PALM2AKAP2: variants seen among roughly 807,000 people sequenced by gnomAD.
PALM2AKAP2 encodes PALM2-AKAP2 fusion protein.
PALM2AKAP2 carries 37 observed loss-of-function variants against 71.5 expected under a neutral mutation model. The ratio of observed to expected loss-of-function variants is 0.52; its 90% CI spans 0.40 to 0.68. PALM2AKAP2 has a LOEUF of 0.68. Among genes scored for constraint, PALM2AKAP2 ranks in the 30% least tolerant of loss-of-function variants. PALM2AKAP2 has a pLI of 0.00. For synonymous variants in PALM2AKAP2, 468 were observed against 478.8 expected, an observed-to-expected ratio of 0.98 and a Z score of 0.29; for missense variants, 1,224 against 1,191.8, an observed-to-expected ratio of 1.03 and a Z score of -0.40.
At chr9:109,710,711 C>T (rs1440996487) in intron 1 of PALM2AKAP2, among the ~76,000 whole-genome samples, 2 of 152,166 alleles carry the variant, frequency 1.3e-5, no homozygotes, top group Admixed American at 1.3e-4. Flanking sequence ...GTCCCCTCCT[C>T]TCCTCACCTT....
chr9:110,148,185 A>C (rs1342702930), intron 2 of PALM2AKAP2, among the ~76,000 whole-genome samples: 1 of 152,110 alleles, frequency 6.6e-6, no homozygotes, highest in East Asian at 1.9e-4. Context: ...GTTTTAATTA[A>C]CTTTTTTCCT....
At chr9:109,753,537 A>T (rs1235837258) in intron 1 of PALM2AKAP2, among the ~76,000 whole-genome samples, 4 of 152,140 alleles carry the variant, frequency 2.6e-5, no homozygotes, top group Non-Finnish European at 4.4e-5. Flanking sequence ...CTTTCTCAAG[A>T]TGTTTGCAGT....
At chr9:110,041,423 C>A (rs977398104) in intron 7 of PALM2AKAP2, among the ~76,000 whole-genome samples, 11 of 152,074 alleles carry the variant, frequency 7.2e-5, no homozygotes, top group African/African-American at 2.7e-4. Context: ...ACAGTGTAAA[C>A]AATTCCATGG....
intron 1 of PALM2AKAP2, among the ~76,000 whole-genome samples, chr9:110,130,031 T>G (rs1835700205): frequency 6.6e-6 from 1 of 152,234 alleles, no homozygotes; most frequent in Non-Finnish European, 1.5e-5. Flanking sequence ...GGGCCTTTTT[T>G]CTTTCATCTT....
chr9:109,801,915 A>C (rs1468583067), intron 1 of PALM2AKAP2, among the ~76,000 whole-genome samples: 1 of 152,178 alleles, frequency 6.6e-6, no homozygotes, highest in African/African-American at 2.4e-5. Flanking sequence ...GACTAATGAG[A>C]GGGACCATGG....
intron 1 of PALM2AKAP2, among the ~76,000 whole-genome samples, chr9:109,849,356 T>C (rs1183853447): frequency 2.6e-5 from 4 of 152,202 alleles, no homozygotes; most frequent in African/African-American, 9.7e-5. Context: ...GATTTGAAGA[T>C]AGCCATCTTC....
chr9:109,838,028 C>T (rs1828530425), intron 1 of PALM2AKAP2, among the ~76,000 whole-genome samples: 1 of 151,528 alleles, frequency 6.6e-6, no homozygotes, highest in Admixed American at 6.6e-5. Context: ...CCAAGCGGAC[C>T]TAATAGACAT....
intron 1 of PALM2AKAP2, among the ~76,000 whole-genome samples, chr9:109,722,041 A>G (rs1157354907): frequency 6.6e-6 from 1 of 152,198 alleles, no homozygotes; most frequent in African/African-American, 2.4e-5. Flanking sequence ...TTATCTTACC[A>G]ATAGAGTCAT....
rs111227193 is a variant in PALM2AKAP2, at chr9:109,930,230, A to ATT, written c.395-1685_395-1684dup. ...CCAAATGGTTAATATGGAAAAATCT[A>ATT]TTTTTTTTTTTTTGAGACAGAGTCT... On this transcript the variant is annotated intron_variant, in intron 5 of 9. Transcript: ENST00000302798. 2.7e-3 allele frequency among the ~76,000 whole-genome samples: 388 copies of ATT among 145,678 alleles called. 3 individuals are homozygous for ATT. The highest frequency in any genetic ancestry group is 9.4e-3 in the African/African-American group (373 of 39,816).
chr9:109,944,783 A>G (rs182768152), intron 6 of PALM2AKAP2: 2 of 152,330 alleles, frequency 1.3e-5, no homozygotes, highest in Admixed American at 1.3e-4. Flanking sequence ...CCCCCAAAGC[A>G]AAAAGCCACA....
intron 3 of PALM2AKAP2, among the ~76,000 whole-genome samples, chr9:109,923,147 G>A (rs745525027): frequency 2.0e-5 from 3 of 152,108 alleles, no homozygotes; most frequent in Non-Finnish European, 4.4e-5. Context: ...AAAATACATA[G>A]GATGGCTGTG....
At chr9:109,709,269 T>A (rs561193067) in intron 1 of PALM2AKAP2, among the ~76,000 whole-genome samples, 2 of 152,300 alleles carry the variant, frequency 1.3e-5, no homozygotes, top group South Asian at 4.1e-4. Flanking sequence ...TCTTGTCAAA[T>A]CCCCTTGTAA....
At chr9:110,100,051 C>CTCTCTATATATA (rs143442936) in intron 1 of PALM2AKAP2, among the ~76,000 whole-genome samples, 7 of 109,464 alleles carry the variant, frequency 6.4e-5, no homozygotes, top group African/African-American at 2.3e-4. Flanking sequence ...GTATGTGTGT[C>CTCTCTATATATA]TATATATATA....
At chr9:109,886,641 T>G (rs1390371413) in intron 3 of PALM2AKAP2, among the ~76,000 whole-genome samples, 1 of 152,226 alleles carries the variant, frequency 6.6e-6, no homozygotes, top group Non-Finnish European at 1.5e-5. Context: ...TCTTTTGCTC[T>G]CTTCAGTCTC....
chr9:109,749,745 C>T (rs1370837204), intron 1 of PALM2AKAP2, among the ~76,000 whole-genome samples: 1 of 152,204 alleles, frequency 6.6e-6, no homozygotes, highest in Admixed American at 6.5e-5. Context: ...TGCCACAAGT[C>T]ACTTCCACAC....
chr9:109,993,184 T>TA (rs3063883), intron 6 of PALM2AKAP2, among the ~76,000 whole-genome samples: 5,831 of 138,728 alleles, frequency 0.042, 184 homozygotes, highest in East Asian at 0.13. Context: ...CAAAGTGCCT[T>TA]AAAAAAAAAA....
At chr9:109,854,661 C>T (rs768473588) in intron 1 of PALM2AKAP2, among the ~76,000 whole-genome samples, 80 of 150,706 alleles carry the variant, frequency 5.3e-4, no homozygotes, top group Non-Finnish European at 9.9e-4. Flanking sequence ...TATCCTGTAG[C>T]ATGATCATTT....
At chr9:110,136,492 T>C in exon 2 of PALM2AKAP2, 3 of 1,614,086 alleles carry the variant, frequency 1.9e-6, no homozygotes, top group Non-Finnish European at 1.7e-6. Flanking sequence ...GTGCAGTGGT[T>C]CTGGTGGGCG....
In PALM2AKAP2 at chr9:109,658,504, A is replaced by G. The variant is rs189263432; in HGVS notation, c.5+17638A>G. ...GAGTTTAGCACATGAGTGTCCGTAC[A>G]TAATAAAAAACTCTTAGCAAACTAG... On this transcript the variant is annotated intron_variant, in intron 1 of 6. Coordinates refer to the PALM2AKAP2 transcript ENST00000374531. 7.2e-5 allele frequency among the ~76,000 whole-genome samples: 11 copies of G among 152,358 alleles called. No individual in the cohort carries two copies. In the East Asian group the frequency reaches 7.7e-4, roughly 11 times the overall value.
Sources: gnomAD v4.1 joint callset for allele counts (sites outside exome capture counted in the v4.1 genomes callset) on GRCh38, gnomAD v4.1.1 for gene constraint, MANE v1.5 for transcripts, NCBI Gene and HGNC (gene_info 2026-07-23, HGNC 2026-07-21) for gene names.